Variants in PAFAH1B2 observed in about 807,000 individuals in gnomAD.
PAFAH1B2 encodes the protein platelet-activating factor acetylhydrolase IB subunit alpha2.
Under a neutral mutation model 28.0 loss-of-function variants are expected in PAFAH1B2, and 8 were observed. The ratio of observed to expected loss-of-function variants is 0.29; its 90% confidence interval spans 0.17 to 0.52. The LOEUF (loss-of-function observed/expected upper bound fraction) is 0.52, where lower values mean the gene tolerates loss of function less well. PAFAH1B2 is among the 20% of genes least tolerant of loss of function. The pLI is 0.97. For missense variants in PAFAH1B2, 190 were observed against 282.6 expected (o/e 0.67, Z 2.35); for synonymous variants, 104 against 103.2 (o/e 1.01, Z -0.05).
intron 2 of PAFAH1B2, among the ~76,000 whole-genome samples, chr11:117,158,910 G>A (rs1956311749): frequency 6.6e-6 from 1 of 152,190 alleles, no homozygotes; most frequent in Non-Finnish European, 1.5e-5. Context: ...CTCCCAAAGT[G>A]CTGGGATTAC....
In PAFAH1B2 at chr11:117,169,575, C is replaced by T. The variant is rs185160798; in HGVS notation, c.*1876C>T. The T allele has an allele frequency of 3.8e-6, 4 of 1,054,842 alleles. No homozygotes were observed. Among genetic ancestry groups the T allele is most frequent in the Non-Finnish European group, 4.6e-6 (4 of 872,506 alleles). The allele number at this position is 1,054,842 out of a possible 1,614,324, so 65.3% of individuals were successfully genotyped here. On this transcript the variant is annotated 3_prime_UTR_variant, in exon 6 of 6. Transcript: ENST00000527958. ...CATTTTTTTCTTGTGAAGTCTCTTT[C>T]TAGAAAATTTTTTGGTTTTGTTCTT...
At chr11:117,175,652 A>G (rs1009971077), downstream of PAFAH1B2, 9 of 1,279,976 alleles carry the variant, frequency 7.0e-6, no homozygotes, top group Middle Eastern at 3.0e-4. Flanking sequence ...GTGCATAGCA[A>G]GCTTCTGGAG....
At chr11:117,157,017 C>T (rs1235354693) in intron 2 of PAFAH1B2, among the ~76,000 whole-genome samples, 1 of 148,206 alleles carries the variant, frequency 6.7e-6, no homozygotes, top group African/African-American at 2.5e-5. Flanking sequence ...AGAGTGAAAC[C>T]CTGTCTCAAA....
At chr11:117,153,830 A>T (rs2134180954) in intron 2 of PAFAH1B2, among the ~76,000 whole-genome samples, 1 of 152,288 alleles carries the variant, frequency 6.6e-6, no homozygotes, top group Middle Eastern at 3.4e-3. Flanking sequence ...TAGGATAGTT[A>T]TTAAAATCAT....
chr11:117,149,429 C>CTTTTTTTTTTTTTTTTTTTTTTTTT (rs1565260556), intron 1 of PAFAH1B2, among the ~76,000 whole-genome samples: 1 of 33,516 alleles, frequency 3.0e-5, no homozygotes, highest in African/African-American at 1.1e-4. Context: ...GTTTTCTAAT[C>CTTTTTTTTTTTTTTTTTTTTTTTTT]GTTTTTTTTT....
intron 1 of PAFAH1B2, among the ~76,000 whole-genome samples, chr11:117,151,284 C>T (rs1362681749): frequency 1.4e-5 from 2 of 143,360 alleles, no homozygotes; most frequent in Non-Finnish European, 3.0e-5. Context: ...GGCTGGAGTG[C>T]AGTGGTGTGA....
chr11:117,175,979 T>A, downstream of PAFAH1B2: 1 of 1,488,370 alleles, frequency 6.7e-7, no homozygotes, highest in Non-Finnish European at 9.1e-7. Flanking sequence ...CCTACACTGA[T>A]TCTCCAAACT....
chr11:117,170,467 T>C lies in PAFAH1B2; in HGVS notation c.*2768T>C. On this transcript the variant is annotated 3_prime_UTR_variant, in exon 6 of 6. Transcript: ENST00000527958. ...CTAGGGCAGGCTGTCTTCCAGTCCA[T>C]GTGTTCTCGGTCGCCGTAGACAGCG... is the stretch of plus-strand genomic sequence containing the variant. 1 of 1,059,964 alleles carries C rather than the reference T, an allele frequency of 9.4e-7. No individual in the cohort carries two copies. The highest frequency in any genetic ancestry group is 1.1e-6 in the Non-Finnish European group (1 of 876,386). The allele number at this position is 1,059,964 out of a possible 1,614,324, so 65.7% of individuals were successfully genotyped here.
downstream of PAFAH1B2, chr11:117,171,151 C>T: frequency 5.2e-6 from 4 of 763,414 alleles, no homozygotes; most frequent in Non-Finnish European, 6.5e-6. Context: ...TTAGATGATC[C>T]TGCTTCTTTA....
chr11:117,163,971 G>C (rs1235739671), intron 5 of PAFAH1B2, 79 bp downstream of exon 5: 4 of 1,429,252 alleles, frequency 2.8e-6, no homozygotes, highest in Non-Finnish European at 2.9e-6. Context: ...GATTGCTCAT[G>C]AATATTAGAG....
chr11:117,149,430 G>GTTTTTTTTTTTTTTTTTTTTTT lies in PAFAH1B2; in HGVS notation c.-7-2997_-7-2996insTTTTTTTTTTTTTTTTTTTTTT, dbSNP rs746125678. On this transcript the variant is annotated intron_variant, in intron 1 of 5. Coordinates refer to ENST00000527958, the MANE Select transcript of PAFAH1B2 (RefSeq NM_002572.4). ...TTAATTTAAAAAAAGTTTTCTAATC[G>GTTTTTTTTTTTTTTTTTTTTTT]TTTTTTTTTTTTTTGAGATGGAGTC... Among the ~76,000 whole-genome samples the GTTTTTTTTTTTTTTTTTTTTTT allele has an allele frequency of 8.0e-4, 69 of 86,078 alleles. 19 individuals carry two copies. The highest frequency in any genetic ancestry group is 1.5e-3 in the South Asian group (4 of 2,606). 56.5% of individuals were successfully genotyped at this position (86,078 alleles called of 152,430 possible).
In PAFAH1B2 at chr11:117,167,942, T is replaced by TG. The variant is rs1956550102; in HGVS notation, c.*243_*244insG. 8.8e-7 allele frequency: 1 copy of TG among 1,136,960 alleles called. No homozygotes were observed. Among genetic ancestry groups the TG allele is most frequent in the African/African-American group, 1.6e-5 (1 of 62,816 alleles). 70.4% of individuals were successfully genotyped at this position (1,136,960 alleles called of 1,614,324 possible). A position where few individuals can be genotyped will look rare whatever the true frequency, so the allele number is the denominator to read the frequency against. On this transcript the variant is annotated 3_prime_UTR_variant, in exon 6 of 6. Coordinates refer to ENST00000527958, the MANE Select transcript of PAFAH1B2 (RefSeq NM_002572.4). ...AATTCATTTGAAACCAGAAGGGGAC[T>TG]TTTTAGTTGTATGTGTAACACATTC...
chr11:117,170,614 AT>A lies in PAFAH1B2; in HGVS notation c.*2919del. 1.9e-6 allele frequency: 2 copies of A among 1,035,860 alleles called. No homozygotes were observed. Among genetic ancestry groups the A allele is most frequent in the Non-Finnish European group, 1.2e-6 (1 of 866,988 alleles). 64.2% of individuals were successfully genotyped at this position (1,035,860 alleles called of 1,614,324 possible). On this transcript the variant is annotated 3_prime_UTR_variant, in exon 6 of 6. Coordinates refer to ENST00000527958, the MANE Select transcript of PAFAH1B2 (RefSeq NM_002572.4). ...AGTAGCTCATGCCCGGCTCTTAGGA[AT>A]TTTGTCTGTTTAAAAAAAAAAAAAA...
At position 117,168,707 on chromosome 11, in the gene PAFAH1B2, T is replaced by G. The variant is rs1956578505; in HGVS notation, c.*1008T>G. On this transcript the variant is annotated 3_prime_UTR_variant, in exon 6 of 6. Transcript: ENST00000527958. ...GGGGTGGGGGGATTCAGAACTCTTG[T>G]TTCCCATTCCATAGCACCTGACATT... 2 of 1,059,450 alleles carry G rather than the reference T, an allele frequency of 1.9e-6. No individual in the cohort carries two copies. Among genetic ancestry groups the G allele is most frequent in the South Asian group, 9.1e-5 (2 of 21,880 alleles). The allele number at this position is 1,059,450 out of a possible 1,614,324, so 65.6% of individuals were successfully genotyped here. A position where few individuals can be genotyped will look rare whatever the true frequency, so the allele number is the denominator to read the frequency against.
intron 5 of PAFAH1B2, among the ~76,000 whole-genome samples, chr11:117,165,171 C>T (rs1430381690): frequency 6.6e-6 from 1 of 151,558 alleles, no homozygotes; most frequent in African/African-American, 2.4e-5. Flanking sequence ...TAGCCATGGT[C>T]TCGATCTCCT....
chr11:117,169,735 AAG>A lies in PAFAH1B2; in HGVS notation c.*2040_*2041del, dbSNP rs1956606602. 7.6e-6 allele frequency: 8 copies of A among 1,057,830 alleles called. No individual in the cohort carries two copies. Among genetic ancestry groups the A allele is most frequent in the Non-Finnish European group, 9.1e-6 (8 of 874,842 alleles). 65.5% of individuals were successfully genotyped at this position (1,057,830 alleles called of 1,614,324 possible). ...TAGTAGCCCAGGTTGAGTTTTTCAC[AAG>A]AGATTTTTTTCTTAGCTGAGGTATA... On this transcript the variant is annotated 3_prime_UTR_variant, in exon 6 of 6. Coordinates refer to ENST00000527958, the MANE Select transcript of PAFAH1B2 (RefSeq NM_002572.4).
chr11:117,161,721 T>C (rs934182594), intron 4 of PAFAH1B2, among the ~76,000 whole-genome samples: 12 of 152,150 alleles, frequency 7.9e-5, no homozygotes, highest in African/African-American at 2.9e-4. Flanking sequence ...TTGGCCAGGC[T>C]GGTCTTGAAC....
rs1956428811 is a variant in PAFAH1B2, at chr11:117,163,654, T to TA, written c.289-115dup. On this transcript the variant is annotated intron_variant, in intron 4 of 5. Transcript: ENST00000527958. ...TGCCACTGCACTCCAGTCTGGGTGA[T>TA]AGAGCGAGACCCCATCTCAAAAAAA... The TA allele has an allele frequency of 2.9e-6, 3 of 1,049,336 alleles. No homozygotes were observed. In the African/African-American group the frequency reaches 5.2e-5, roughly 18 times the overall value. The allele number at this position is 1,049,336 out of a possible 1,614,324, so 65.0% of individuals were successfully genotyped here.
chr11:117,158,527 A>G (rs1956301888), intron 2 of PAFAH1B2, among the ~76,000 whole-genome samples: 1 of 151,990 alleles, frequency 6.6e-6, no homozygotes, highest in South Asian at 2.1e-4. Context: ...ATGGATCCTC[A>G]TTGGATCATA....
Sources: gnomAD v4.1 joint callset for allele counts (sites outside exome capture counted in the v4.1 genomes callset) on GRCh38, gnomAD v4.1.1 for gene constraint, MANE v1.5 for transcripts, NCBI Gene and HGNC (gene_info 2026-07-23, HGNC 2026-07-21) for gene names.